The following CNTNAP2 variants were observed in gnomAD, a reference collection of about 807,000 sequenced individuals.
CNTNAP2 encodes contactin-associated protein-like 2.
Under a neutral mutation model 155.2 loss-of-function variants are expected in CNTNAP2, and 98 were observed. The observed-to-expected ratio is 0.63, with a 90% CI of 0.54 to 0.75. The LOEUF (loss-of-function observed/expected upper bound fraction) is 0.75. Ranked by LOEUF, CNTNAP2 falls within the 30% of genes least tolerant of loss-of-function variation. The pLI is 0.00. For missense variants in CNTNAP2, 1,727 were observed against 1,688.1 expected, an observed-to-expected ratio of 1.02 and a Z score of -0.40; for synonymous variants, 651 against 631.2, an observed-to-expected ratio of 1.03 and a Z score of -0.47.
chr7:148,289,967 TTAA>T (rs1340403861), intron 21 of CNTNAP2, among the ~76,000 whole-genome samples: 1 of 152,226 alleles, frequency 6.6e-6, no homozygotes, highest in African/African-American at 2.4e-5. Context: ...AATAGCTTCC[TTAA>T]TAATAATGGA....
chr7:148,318,376 G>A (rs920194327), intron 21 of CNTNAP2, among the ~76,000 whole-genome samples: 3 of 152,164 alleles, frequency 2.0e-5, no homozygotes, highest in Non-Finnish European at 4.4e-5. Flanking sequence ...GTGTTAATGA[G>A]CATAACACAT....
rs1193121034 is a variant in CNTNAP2, at chr7:147,411,858, G to A, written c.1670+16078G>A. ...GAAGAGGAAAATCTGTAATGAGATA[G>A]ATAGCACTCTCTGCCCAGTTGATGT... On this transcript the variant is annotated intron_variant, in intron 10 of 23. Coordinates refer to ENST00000361727, the MANE Select transcript of CNTNAP2 (RefSeq NM_014141.6). 2.6e-5 allele frequency among the ~76,000 whole-genome samples: 4 copies of A among 152,170 alleles called. No individual in the cohort carries two copies. In the South Asian group the frequency reaches 6.2e-4, roughly 24 times the overall value.
intron 3 of CNTNAP2, among the ~76,000 whole-genome samples, chr7:146,860,248 T>C (rs1795072572): frequency 6.6e-6 from 1 of 152,094 alleles, no homozygotes; most frequent in African/African-American, 2.4e-5. Flanking sequence ...TAAAAAGTGG[T>C]TGAGGGTGGT....
intron 18 of CNTNAP2, among the ~76,000 whole-genome samples, chr7:148,186,912 C>T: frequency 6.6e-6 from 1 of 152,098 alleles, no homozygotes; most frequent in East Asian, 1.9e-4. Flanking sequence ...ATTGGCCTTG[C>T]TTGTTGTCCA....
chr7:146,482,977 T>C (rs1796985933), intron 1 of CNTNAP2, among the ~76,000 whole-genome samples: 1 of 151,488 alleles, frequency 6.6e-6, no homozygotes, highest in South Asian at 2.1e-4. Context: ...ACTGGAAATT[T>C]TAAAAAAATA....
intron 22 of CNTNAP2, among the ~76,000 whole-genome samples, chr7:148,401,581 A>T (rs541628952): frequency 1.3e-5 from 2 of 151,932 alleles, no homozygotes; most frequent in Admixed American, 1.3e-4. Context: ...GCATATATTA[A>T]TAATGAGCTA....
chr7:147,288,917 A>G (rs1210470947), intron 8 of CNTNAP2, among the ~76,000 whole-genome samples: 1 of 152,158 alleles, frequency 6.6e-6, no homozygotes, highest in Non-Finnish European at 1.5e-5. Flanking sequence ...CCCTTTATAC[A>G]TACATGTACT....
At chr7:147,641,518 G>T (rs1170816106) in intron 13 of CNTNAP2, among the ~76,000 whole-genome samples, 3 of 152,144 alleles carry the variant, frequency 2.0e-5, no homozygotes, top group Non-Finnish European at 4.4e-5. Flanking sequence ...CTCAGGTGGT[G>T]CTTGAGAATT....
chr7:147,329,145 CA>C (rs370182601), intron 9 of CNTNAP2, among the ~76,000 whole-genome samples: 1,753 of 150,716 alleles, frequency 0.012, 29 homozygotes, highest in African/African-American at 0.035. Context: ...AGCACCCCCC[CA>C]CACACACACA....
chr7:147,309,156 C>T (rs144471048), intron 9 of CNTNAP2, among the ~76,000 whole-genome samples: 118 of 152,226 alleles, frequency 7.8e-4, no homozygotes, highest in Non-Finnish European at 1.2e-3. Flanking sequence ...CTATTTATCG[C>T]CTCTTAAAAT....
intron 14 of CNTNAP2, among the ~76,000 whole-genome samples, chr7:147,945,668 A>G (rs1045463922): frequency 7.2e-6 from 1 of 139,758 alleles, no homozygotes. Context: ...GTTATCAGGA[A>G]AAGCAAGCAA....
At chr7:148,006,899 C>T (rs1430997017) in intron 15 of CNTNAP2, among the ~76,000 whole-genome samples, 1 of 152,188 alleles carries the variant, frequency 6.6e-6, no homozygotes, top group Non-Finnish European at 1.5e-5. Context: ...AGCTTCATTG[C>T]ACTTCATGGG....
chr7:147,905,792 G>A (rs1799947025), intron 14 of CNTNAP2, among the ~76,000 whole-genome samples: 1 of 152,110 alleles, frequency 6.6e-6, no homozygotes, highest in Non-Finnish European at 1.5e-5. Context: ...GCTGAGGCAG[G>A]AGAATCGCTT....
chr7:148,203,917 C>T (rs1795406481), intron 18 of CNTNAP2, among the ~76,000 whole-genome samples: 1 of 152,106 alleles, frequency 6.6e-6, no homozygotes, highest in South Asian at 2.1e-4. Context: ...CTCTTGGACT[C>T]GGTATACCAT....
At chr7:146,257,261 A>G (rs986482137) in intron 1 of CNTNAP2, among the ~76,000 whole-genome samples, 2 of 152,232 alleles carry the variant, frequency 1.3e-5, no homozygotes, top group Admixed American at 6.5e-5. Context: ...AAACCCAGCA[A>G]CAAAAAGTAC....
chr7:147,378,944 G>A (rs188468253), intron 9 of CNTNAP2, among the ~76,000 whole-genome samples: 1 of 151,938 alleles, frequency 6.6e-6, no homozygotes, highest in Non-Finnish European at 1.5e-5. Context: ...TCGTGGGAGG[G>A]ACCCAGTGAG....
chr7:146,614,043 G>T (rs938883501), intron 1 of CNTNAP2, among the ~76,000 whole-genome samples: 2 of 151,962 alleles, frequency 1.3e-5, no homozygotes, highest in Non-Finnish European at 2.9e-5. Context: ...TTATTTCTTG[G>T]TTACTACTAT....
At chr7:147,736,228 A>G (rs2116476247) in intron 13 of CNTNAP2, among the ~76,000 whole-genome samples, 1 of 151,880 alleles carries the variant, frequency 6.6e-6, no homozygotes, top group South Asian at 2.1e-4. Context: ...TGGTGACAAA[A>G]TCTCTCAGCA....
At chr7:147,755,726 C>T (rs1218815995) in intron 13 of CNTNAP2, among the ~76,000 whole-genome samples, 2 of 152,164 alleles carry the variant, frequency 1.3e-5, no homozygotes, top group African/African-American at 2.4e-5. Flanking sequence ...AGCTTCGTAG[C>T]CATCCAGTTC....
Sources: allele counts gnomAD v4.1 joint callset (sites outside exome capture counted in the v4.1 genomes callset), GRCh38; gene constraint gnomAD v4.1.1; transcripts MANE v1.5; gene names NCBI Gene and HGNC (gene_info 2026-07-23, HGNC 2026-07-21).